Variants in DIAPH3 observed in about 807,000 individuals in gnomAD.
DIAPH3 encodes protein diaphanous homolog 3.
DIAPH3 carries 117 observed loss-of-function variants against 144.3 expected under a neutral mutation model. The observed-to-expected ratio is 0.81, with a 90% confidence interval of 0.70 to 0.95. The LOEUF (loss-of-function observed/expected upper bound fraction) is 0.95. Ranked by LOEUF, DIAPH3 falls within the 40% of genes least tolerant of loss-of-function variation. DIAPH3 has a pLI of 0.00. For missense variants in DIAPH3, 1,421 were observed against 1,412.7 expected (o/e 1.01, Z -0.09); for synonymous variants, 519 against 488.9 (o/e 1.06, Z -0.81).
chr13:59,885,404 ATGAAACTAT>A (rs2045371214), intron 20 of DIAPH3, among the ~76,000 whole-genome samples: 1 of 148,850 alleles, frequency 6.7e-6, no homozygotes. Context: ...ATTTATATTA[ATGAAACTAT>A]ACGGTAAACA....
chr13:59,674,416 A>G (rs747086381), intron 27 of DIAPH3, among the ~76,000 whole-genome samples: 3 of 152,178 alleles, frequency 2.0e-5, no homozygotes, highest in Non-Finnish European at 4.4e-5. Context: ...ATGCTCTATC[A>G]TGATATTGCC....
chr13:59,980,724 A>C, intron 14 of DIAPH3, 71 bp downstream of exon 14: 1 of 1,376,718 alleles, frequency 7.3e-7, no homozygotes. Context: ...TAACAAGCAA[A>C]TTCCCTGAGG....
chr13:59,776,924 A>G (rs2139297604), intron 25 of DIAPH3, among the ~76,000 whole-genome samples: 2 of 151,844 alleles, frequency 1.3e-5, no homozygotes, highest in South Asian at 4.2e-4. Flanking sequence ...AAGGCTTAAC[A>G]AAACAAAACA....
At chr13:59,822,046 C>T (rs2041100452) in intron 24 of DIAPH3, among the ~76,000 whole-genome samples, 2 of 152,096 alleles carry the variant, frequency 1.3e-5, no homozygotes, top group South Asian at 2.1e-4. Context: ...CATTACTGGC[C>T]CTTCTTAACT....
At chr13:59,922,635 G>T (rs1327989395) in intron 18 of DIAPH3, among the ~76,000 whole-genome samples, 2 of 151,932 alleles carry the variant, frequency 1.3e-5, no homozygotes, top group African/African-American at 4.8e-5. Context: ...TTACAATGAA[G>T]ATCATAGGCT....
chr13:60,090,311 C>T (rs1173370088), intron 4 of DIAPH3, among the ~76,000 whole-genome samples: 2 of 151,984 alleles, frequency 1.3e-5, no homozygotes, highest in Non-Finnish European at 2.9e-5. Context: ...CAGTTTTATT[C>T]TTGTGCCACC....
chr13:59,853,567 A>G (rs79228968), intron 22 of DIAPH3, among the ~76,000 whole-genome samples: 3 of 152,150 alleles, frequency 2.0e-5, no homozygotes, highest in East Asian at 1.9e-4. Flanking sequence ...GCCGTCTGCC[A>G]TGATTGTAAG....
chr13:59,916,862 T>C (rs2047246710), intron 18 of DIAPH3, among the ~76,000 whole-genome samples: 1 of 152,152 alleles, frequency 6.6e-6, no homozygotes, highest in African/African-American at 2.4e-5. Context: ...ATTATCCAAA[T>C]GTACTAGATA....
At chr13:59,896,575 T>C (rs1355087960) in intron 20 of DIAPH3, among the ~76,000 whole-genome samples, 1 of 151,688 alleles carries the variant, frequency 6.6e-6, no homozygotes, top group Admixed American at 6.6e-5. Flanking sequence ...ACTGCAGTAT[T>C]TTTGGTGGGG....
intron 22 of DIAPH3, among the ~76,000 whole-genome samples, chr13:59,852,587 A>G (rs2043038613): frequency 2.0e-5 from 3 of 152,190 alleles, no homozygotes; most frequent in Non-Finnish European, 4.4e-5. Context: ...CATTTTCCAA[A>G]TTCCATTCCC....
chr13:59,974,305 CCTCA>C (rs922829417), intron 15 of DIAPH3, 43 bp downstream of exon 15: 4 of 1,369,488 alleles, frequency 2.9e-6, no homozygotes, highest in South Asian at 2.3e-5. Flanking sequence ...ACCTTTGCTC[CCTCA>C]CTGTGTTTTT....
intron 27 of DIAPH3, among the ~76,000 whole-genome samples, chr13:59,763,757 C>T (rs112804266): frequency 0.012 from 1,763 of 152,152 alleles, 52 homozygotes; most frequent in African/African-American, 0.04. Context: ...TTTTGTTCTT[C>T]ATATTTTCTC....
At chr13:59,901,933 G>T (rs1036080589) in intron 20 of DIAPH3, among the ~76,000 whole-genome samples, 1 of 152,122 alleles carries the variant, frequency 6.6e-6, no homozygotes, top group African/African-American at 2.4e-5. Context: ...CAGTTCATGC[G>T]ATTCTCATGC....
chr13:59,684,193 A>C (rs1470326254), intron 27 of DIAPH3, among the ~76,000 whole-genome samples: 1 of 152,164 alleles, frequency 6.6e-6, no homozygotes, highest in African/African-American at 2.4e-5. Flanking sequence ...CTTTTATGGG[A>C]TGCAAGGTTG....
intron 22 of DIAPH3, among the ~76,000 whole-genome samples, chr13:59,847,217 A>G (rs2042691580): frequency 6.6e-6 from 1 of 152,206 alleles, no homozygotes; most frequent in Non-Finnish European, 1.5e-5. Flanking sequence ...CCAGGTAATA[A>G]CAAATGGAAT....
chr13:59,872,441 T>C (rs1433028217), intron 21 of DIAPH3, among the ~76,000 whole-genome samples: 1 of 152,178 alleles, frequency 6.6e-6, no homozygotes, highest in Non-Finnish European at 1.5e-5. Flanking sequence ...TGGTGGTGGA[T>C]TCTGTACCTC....
chr13:60,153,261 G>A lies in DIAPH3; in HGVS notation c.180+10326C>T, dbSNP rs186244265. Reference sequence around the variant, plus strand: ...CTGGAAACTATGCACCCACAGGTATGGAAAATTAGATTTCAAGAGAAAAAT... The same window carrying A: ...CTGGAAACTATGCACCCACAGGTATAGAAAATTAGATTTCAAGAGAAAAAT... On this transcript the variant is annotated intron_variant, in intron 1 of 27. Coordinates refer to ENST00000400324, the MANE Select transcript of DIAPH3 (RefSeq NM_001042517.2). 3.2e-3 allele frequency: 479 copies of A among 152,050 alleles called. 2 individuals are homozygous for A. Among genetic ancestry groups the A allele is most frequent in the African/African-American group, 0.011 (452 of 41,510 alleles). 9.4% of individuals were successfully genotyped at this position (152,050 alleles called of 1,614,324 possible).
Position 59,924,379 on chromosome 13 carries a change from G to A in DIAPH3, c.2170+396C>T, listed in dbSNP as rs138971229. On this transcript the variant is annotated intron_variant, in intron 18 of 27. Transcript: ENST00000400324. ...GTTAATATTATAACCTCCTTTATGT[G>A]TGATCAAGTATCACAAATATTAGAG... 3.5e-3 allele frequency among the ~76,000 whole-genome samples: 536 copies of A among 152,034 alleles called. 4 individuals carry two copies. The highest frequency in any genetic ancestry group is 0.013 in the African/African-American group (520 of 41,492).
chr13:59,890,849 A>G (rs1022396483), intron 20 of DIAPH3, among the ~76,000 whole-genome samples: 3 of 151,720 alleles, frequency 2.0e-5, no homozygotes, highest in African/African-American at 4.8e-5. Flanking sequence ...TCACATTTGT[A>G]TCAACAGAGA....
Sources: allele counts gnomAD v4.1 joint callset (sites outside exome capture counted in the v4.1 genomes callset), GRCh38; gene constraint gnomAD v4.1.1; transcripts MANE v1.5; gene names NCBI Gene and HGNC (gene_info 2026-07-23, HGNC 2026-07-21).